Variants in RAPGEF1 observed in about 807,000 individuals in gnomAD.
RAPGEF1 encodes CRK SH3-binding GNRP.
Under a neutral mutation model 143.3 loss-of-function variants are expected in RAPGEF1, and 33 were observed. The observed-to-expected ratio is 0.23, with a 90% CI of 0.17 to 0.31. The LOEUF (loss-of-function observed/expected upper bound fraction) is 0.31. Among genes scored for constraint, RAPGEF1 ranks in the 10% least tolerant of loss-of-function variants. The pLI is 1.00. For synonymous variants in RAPGEF1, 629 were observed against 676.5 expected, an observed-to-expected ratio of 0.93 and a Z score of 1.09; for missense variants, 1,199 against 1,645.4, an observed-to-expected ratio of 0.73 and a Z score of 4.69.
At position 131,711,052 on chromosome 9, in the gene RAPGEF1, C is replaced by CT. The variant is rs1197255514; in HGVS notation, c.61+28717dup. Reference sequence around the variant, plus strand: ...CAGGAGGTCCCTGGTGAATATTTAACTTTTTTTTTTTTTTTGGAGTCAGGG... The same window carrying CT: ...CAGGAGGTCCCTGGTGAATATTTAACTTTTTTTTTTTTTTTTGGAGTCAGGG... On this transcript the variant is annotated intron_variant, in intron 1 of 26. Transcript: ENST00000683357. 2.6e-3 allele frequency among the ~76,000 whole-genome samples: 373 copies of CT among 143,612 alleles called. 2 individuals are homozygous for CT. The highest frequency in any genetic ancestry group is 3.6e-3 in the East Asian group (18 of 4,966). 94.2% of individuals were successfully genotyped at this position (143,612 alleles called of 152,430 possible).
At chr9:131,729,635 G>C (rs1251360803) in intron 1 of RAPGEF1, among the ~76,000 whole-genome samples, 2 of 152,186 alleles carry the variant, frequency 1.3e-5, no homozygotes, top group African/African-American at 4.8e-5. Context: ...ACCCCAGGAA[G>C]GGGAGAGAAG....
At chr9:131,579,726 G>T in intron 26 of RAPGEF1, 79 bp from the exon 27 acceptor site, 1 of 1,486,048 alleles carries the variant, frequency 6.7e-7, no homozygotes, top group Non-Finnish European at 9.2e-7. Flanking sequence ...CCTGGAAGGT[G>T]CCGCGGGGAC....
chr9:131,635,162 T>C (rs1322949619), intron 5 of RAPGEF1, among the ~76,000 whole-genome samples: 1 of 152,180 alleles, frequency 6.6e-6, no homozygotes, highest in African/African-American at 2.4e-5. Flanking sequence ...CTTCTCCAGG[T>C]AACACTGTTT....
chr9:131,725,238 T>A (rs961589442), intron 1 of RAPGEF1: 4 of 152,182 alleles, frequency 2.6e-5, no homozygotes, highest in Non-Finnish European at 5.9e-5. Flanking sequence ...CCAGGGCTGA[T>A]CAGCACAGGA....
chr9:131,590,805 C>T (rs1341859948), intron 18 of RAPGEF1, among the ~76,000 whole-genome samples: 2 of 152,216 alleles, frequency 1.3e-5, no homozygotes, highest in African/African-American at 2.4e-5. Flanking sequence ...GATGGCTGAG[C>T]CAGGCAGAGG....
At chr9:131,695,298 CCT>C (rs565946285) in intron 1 of RAPGEF1, among the ~76,000 whole-genome samples, 25 of 152,254 alleles carry the variant, frequency 1.6e-4, no homozygotes, top group African/African-American at 6.0e-4. Flanking sequence ...AGAATGCTTC[CCT>C]GTGTCCGGTT....
At chr9:131,626,534 T>C (rs1037491432) in intron 9 of RAPGEF1, 112 bp from the exon 10 acceptor site, 6 of 1,068,118 alleles carry the variant, frequency 5.6e-6, no homozygotes, top group African/African-American at 3.2e-5. Context: ...GACAAAGACC[T>C]GTCTCCAGGG....
chr9:131,579,395 G>A lies in RAPGEF1; in HGVS notation c.*102C>T, dbSNP rs1337484886. The A allele has an allele frequency of 1.4e-6, 2 of 1,468,154 alleles. No homozygotes were observed. Among genetic ancestry groups the A allele is most frequent in the African/African-American group, 2.8e-5 (2 of 70,714 alleles). 90.9% of individuals were successfully genotyped at this position (1,468,154 alleles called of 1,614,324 possible). On this transcript the variant is annotated 3_prime_UTR_variant, in exon 27 of 27. Coordinates refer to ENST00000683357, the MANE Select transcript of RAPGEF1 (RefSeq NM_001377935.1). The stretch of plus-strand genomic sequence containing the variant: ...GGCTGGCCAGCCTCATGGCTCCGAG[G>A]CCGGGACTCCTGCCATGCGCCTAAC...
In RAPGEF1 at chr9:131,588,830, C is replaced by T. The variant is rs1232171682; in HGVS notation, c.3024G>A (p.Gln1008=). Reference sequence around the variant, plus strand: ...CTGCTACCCCCCGGGCTGCCAGGGGCTGGCTGGAGGTGGCACACCTGAGTA... The same window carrying T: ...CTGCTACCCCCCGGGCTGCCAGGGGTTGGCTGGAGGTGGCACACCTGAGTA... ...KKLLRCATSS[Q]PLAARGVAAR... Residue 1008 remains glutamine (Q), a synonymous_variant, in exon 20 of 27, where the codon CAG becomes CAA. Transcript: ENST00000683357. The T allele has an allele frequency of 9.9e-6, 16 of 1,613,486 alleles. No homozygotes were observed. The highest frequency in any genetic ancestry group is 4.0e-5 in the African/African-American group (3 of 74,922).
At chr9:131,586,649 AACAC>A (rs141658733) in intron 22 of RAPGEF1, among the ~76,000 whole-genome samples, 1,329 of 69,638 alleles carry the variant, frequency 0.019, 147 homozygotes, top group African/African-American at 0.065. Context: ...CTCCGTCTCA[AACAC>A]ACACACACAC....
In RAPGEF1 at chr9:131,619,972, CTCTG is replaced by C. The variant is rs977413710; in HGVS notation, c.1906-770_1906-767del. Among the ~76,000 whole-genome samples the C allele has an allele frequency of 1.1e-4, 17 of 152,284 alleles. No homozygotes were observed. The South Asian group carries it at 2.7e-3, about 24-fold the overall frequency. On this transcript the variant is annotated intron_variant, in intron 11 of 26. Coordinates refer to ENST00000683357, the MANE Select transcript of RAPGEF1 (RefSeq NM_001377935.1). ...GTGGGCTTGGATTAAGGTTCGCTGG[CTCTG>C]TCTGCCTCAATTTACTTATAATGGG...
intron 5 of RAPGEF1, among the ~76,000 whole-genome samples, chr9:131,633,449 G>A (rs56068919): frequency 0.22 from 32,831 of 152,134 alleles, 4,175 homozygotes; most frequent in Non-Finnish European, 0.29. Flanking sequence ...TACAAGCAGG[G>A]CAAAAGGAAC....
intron 9 of RAPGEF1, among the ~76,000 whole-genome samples, chr9:131,627,227 A>G (rs1253359108): frequency 9.1e-5 from 6 of 65,996 alleles, no homozygotes; most frequent in Non-Finnish European, 1.2e-4. Context: ...AAAAAAAAAA[A>G]AAAAAAAAAA....
At chr9:131,598,677 T>C (rs955146974) in intron 15 of RAPGEF1, 2 of 414,452 alleles carry the variant, frequency 4.8e-6, no homozygotes, top group Admixed American at 2.7e-5. Flanking sequence ...GAAAGCTGCA[T>C]TGCTCTTGAG....
chr9:131,602,898 G>A (rs1168491081), intron 14 of RAPGEF1, among the ~76,000 whole-genome samples: 1 of 152,228 alleles, frequency 6.6e-6, no homozygotes, highest in Non-Finnish European at 1.5e-5. Context: ...TACAGAAAGA[G>A]TGCTTCAAGG....
At chr9:131,615,278 C>T (rs1422835492) in intron 12 of RAPGEF1, among the ~76,000 whole-genome samples, 1 of 152,202 alleles carries the variant, frequency 6.6e-6, no homozygotes, top group African/African-American at 2.4e-5. Context: ...GTTTCACCGT[C>T]TTAGCCGGGA....
chr9:131,686,447 AC>A (rs1174340080), intron 1 of RAPGEF1, among the ~76,000 whole-genome samples: 1 of 152,062 alleles, frequency 6.6e-6, no homozygotes, highest in East Asian at 1.9e-4. Context: ...GACTTTTCAG[AC>A]CCAACCCCCC....
rs1400670438 is a variant in RAPGEF1, at chr9:131,580,199, GTC to G, written c.3641+62_3641+63del. On this transcript the variant is annotated intron_variant, in intron 26 of 26. Coordinates refer to ENST00000683357, the MANE Select transcript of RAPGEF1 (RefSeq NM_001377935.1). Reference sequence around the variant, plus strand: ...CCCCCTCCCCTCGGTGTCCCGGGCTGTCTCTCCTTGTGTGTGGCCCGGGGCTC... The same window carrying G: ...CCCCCTCCCCTCGGTGTCCCGGGCTGTCTCCTTGTGTGTGGCCCGGGGCTC... 2.5e-6 allele frequency: 4 copies of G among 1,590,346 alleles called. No homozygotes were observed. In the Admixed American group the frequency reaches 6.8e-5, roughly 27 times the overall value.
intron 5 of RAPGEF1, among the ~76,000 whole-genome samples, chr9:131,632,168 G>T (rs1294360886): frequency 6.6e-6 from 1 of 150,866 alleles, no homozygotes; most frequent in Non-Finnish European, 1.5e-5. Flanking sequence ...TCGCTCTGTC[G>T]CCCAGGCTGG....
Sources: gnomAD v4.1 joint callset for allele counts (sites outside exome capture counted in the v4.1 genomes callset) on GRCh38, gnomAD v4.1.1 for gene constraint, MANE v1.5 for transcripts, NCBI Gene and HGNC (gene_info 2026-07-23, HGNC 2026-07-21) for gene names.